USO1: variants seen among roughly 807,000 people sequenced by gnomAD.
USO1 encodes general vesicular transport factor p115.
In USO1, 57 loss-of-function variants were observed where a neutral mutation model predicts 124.5. The observed-to-expected ratio is 0.46, with a 90% CI of 0.37 to 0.57. USO1 has a LOEUF of 0.57. Ranked by LOEUF, USO1 falls within the 20% of genes least tolerant of loss-of-function variation. The pLI is 0.00. For missense variants in USO1, 900 were observed against 1,040.6 expected (o/e 0.86, Z 1.86); for synonymous variants, 369 against 362.8 (o/e 1.02, Z -0.19).
chr4:75,814,055 A>G lies in USO1; in HGVS notation c.*760A>G, dbSNP rs984201381. 5.3e-5 allele frequency: 8 copies of G among 152,234 alleles called. No individual in the cohort carries two copies. Among genetic ancestry groups the G allele is most frequent in the African/African-American group, 1.4e-4 (6 of 41,464 alleles). The allele number at this position is 152,234 out of a possible 1,614,324, so 9.4% of individuals were successfully genotyped here. A position where few individuals can be genotyped will look rare whatever the true frequency, so the allele number is the denominator to read the frequency against. On this transcript the variant is annotated 3_prime_UTR_variant, in exon 24 of 24. Coordinates refer to ENST00000514213, the MANE Select transcript of USO1 (RefSeq NM_003715.4). Reference sequence around the variant, plus strand: ...AGTAGTATTGTTTATCATAAAACATATTATGTTCCTAGTTTTAAAAAGACC... The same window carrying G: ...AGTAGTATTGTTTATCATAAAACATGTTATGTTCCTAGTTTTAAAAAGACC...
rs1722955722 is a variant in USO1 at position 75,805,125 on chromosome 4, ATGTC to A, written c.2126-9_2126-6del. 2 of 1,548,170 alleles carry A rather than the reference ATGTC, an allele frequency of 1.3e-6. No individual in the cohort carries two copies. The highest frequency in any genetic ancestry group is 1.7e-6 in the Non-Finnish European group (2 of 1,151,346). The stretch of plus-strand genomic sequence containing the variant: ...GTTTCCCGTTGGCTTTTAAAATGTT[ATGTC>A]TGTCTAACAGGAAAAGACAATCAGC... On this transcript the variant is annotated splice_polypyrimidine_tract_variant and intron_variant, in intron 18 of 23. Coordinates refer to ENST00000514213, the MANE Select transcript of USO1 (RefSeq NM_003715.4).
intron 17 of USO1, among the ~76,000 whole-genome samples, chr4:75,802,943 G>A (rs1722893323): frequency 6.7e-6 from 1 of 149,918 alleles, no homozygotes; most frequent in Admixed American, 6.6e-5. Context: ...AATTAGCTGG[G>A]GATGGTGGCA....
Position 75,811,353 on chromosome 4 carries a change from G to A in USO1, c.2584-807G>A, listed in dbSNP as rs545000117. On this transcript the variant is annotated intron_variant, in intron 22 of 23. Coordinates refer to ENST00000514213, the MANE Select transcript of USO1 (RefSeq NM_003715.4). The stretch of plus-strand genomic sequence containing the variant: ...GTACTTTTAGTAGAGACGAGGATTC[G>A]CCATGTTGGCCAGGCTGGTCTCAAA... 1.6e-4 allele frequency among the ~76,000 whole-genome samples: 25 copies of A among 152,022 alleles called. 1 individual carries two copies. In the South Asian group the frequency reaches 2.5e-3, roughly 15 times the overall value.
intron 13 of USO1, among the ~76,000 whole-genome samples, chr4:75,798,991 T>C (rs1269468830): frequency 1.3e-5 from 2 of 152,194 alleles, no homozygotes; most frequent in African/African-American, 2.4e-5. Context: ...TAACTATACT[T>C]GGCAGCTGTT....
intron 22 of USO1, among the ~76,000 whole-genome samples, chr4:75,810,742 G>GT (rs1382129079): frequency 6.6e-6 from 1 of 151,722 alleles, no homozygotes. Context: ...GTTTTGTTTT[G>GT]TTTTTTTGAG....
Position 75,731,454 on chromosome 4 carries a change from A to C in USO1, c.66+6569A>C, listed in dbSNP as rs796266231. Among the ~76,000 whole-genome samples, 13 of 152,064 alleles carry C rather than the reference A, an allele frequency of 8.5e-5. 1 individual carries two copies. The highest frequency in any genetic ancestry group is 2.7e-4 in the African/African-American group (11 of 41,506). Reference sequence around the variant, plus strand: ...GCAGGTGCCTGTAATCCCAGCTACTAGGGAGGCTGAGGCAGGAGAATCACT... The same window carrying C: ...GCAGGTGCCTGTAATCCCAGCTACTCGGGAGGCTGAGGCAGGAGAATCACT... On this transcript the variant is annotated intron_variant, in intron 1 of 23. Transcript: ENST00000514213.
At chr4:75,732,957 T>A (rs1356637472) in intron 1 of USO1, among the ~76,000 whole-genome samples, 5 of 145,188 alleles carry the variant, frequency 3.4e-5, no homozygotes, top group Non-Finnish European at 6.0e-5. Context: ...GGTAAGGTTA[T>A]ATCATAAAAT....
At chr4:75,755,940 G>T (rs1339474903) in intron 3 of USO1, among the ~76,000 whole-genome samples, 1 of 152,138 alleles carries the variant, frequency 6.6e-6, no homozygotes, top group Non-Finnish European at 1.5e-5. Context: ...GGAAGCCGAG[G>T]TGAGCGAATC....
chr4:75,806,806 C>T (rs1212420161), intron 20 of USO1, among the ~76,000 whole-genome samples: 1 of 152,048 alleles, frequency 6.6e-6, no homozygotes, highest in Non-Finnish European at 1.5e-5. Context: ...GCATCTCACC[C>T]ATGTTATTTA....
At chr4:75,740,231 T>C (rs922954491) in intron 1 of USO1, among the ~76,000 whole-genome samples, 1 of 152,188 alleles carries the variant, frequency 6.6e-6, no homozygotes, top group Non-Finnish European at 1.5e-5. Context: ...TATTGATCAG[T>C]TGATGAAAAT....
chr4:75,765,619 A>G (rs1338913347), intron 4 of USO1, among the ~76,000 whole-genome samples: 1 of 143,478 alleles, frequency 7.0e-6, no homozygotes, highest in Non-Finnish European at 1.5e-5. Flanking sequence ...AGTTCTTGCT[A>G]TGTGCCTGGT....
chr4:75,725,261 T>C (rs550818000), intron 1 of USO1, among the ~76,000 whole-genome samples: 8 of 152,274 alleles, frequency 5.3e-5, no homozygotes, highest in Middle Eastern at 3.4e-3. Flanking sequence ...CTTTCGCTCG[T>C]CTGCACTGGC....
chr4:75,785,772 A>C (rs1381116617), intron 9 of USO1, among the ~76,000 whole-genome samples: 1 of 152,152 alleles, frequency 6.6e-6, no homozygotes, highest in Non-Finnish European at 1.5e-5. Flanking sequence ...TATTTCAAAA[A>C]ATATCAAGTG....
In USO1 at chr4:75,800,425, C is replaced by T; in HGVS notation, c.1638C>T (p.Gly546=). ...LVQGLCALLL[G]ISIYFNDNSL... is the part of the protein sequence containing the mutation. ...AAGGCTTATGTGCCCTTTTGTTGGG[C>T]ATTTCGATTTATTTCAATGATAACT... The change falls in exon 15 of 24, where the codon GGC becomes GGT. Residue 546 remains glycine, a synonymous_variant. Transcript: ENST00000514213. 4 of 1,594,516 alleles carry T rather than the reference C, an allele frequency of 2.5e-6. No individual in the cohort carries two copies. The highest frequency in any genetic ancestry group is 3.4e-6 in the Non-Finnish European group (4 of 1,170,090).
At position 75,804,283 on chromosome 4, in the gene USO1, C is replaced by G. The variant is rs752671173; in HGVS notation, c.2125+11C>G. 6.2e-6 allele frequency: 10 copies of G among 1,606,940 alleles called. No individual in the cohort carries two copies. The highest frequency in any genetic ancestry group is 2.2e-5 in the East Asian group (1 of 44,526). ...TTAAAATACAGCTAGGTAAGCATAGCTAAGCCATCACTATGATAGCACTCA... is the reference window on the plus strand; with the variant it reads ...TTAAAATACAGCTAGGTAAGCATAGGTAAGCCATCACTATGATAGCACTCA... On this transcript the variant is annotated intron_variant, in intron 18 of 23. Transcript: ENST00000514213.
intron 13 of USO1, chr4:75,795,305 G>A (rs973597877): frequency 1.2e-4 from 85 of 701,828 alleles, no homozygotes; most frequent in Middle Eastern, 2.3e-4. Context: ...GTAGTAATAT[G>A]TATGAATAAT....
chr4:75,754,317 A>C (rs1721375400), intron 3 of USO1, among the ~76,000 whole-genome samples: 1 of 149,368 alleles, frequency 6.7e-6, no homozygotes, highest in African/African-American at 2.5e-5. Context: ...TCCTGAACTC[A>C]GGTGATCCGC....
chr4:75,752,220 A>C (rs1045079556), intron 1 of USO1, among the ~76,000 whole-genome samples, 153 bp from the exon 2 acceptor site: 1 of 152,296 alleles, frequency 6.6e-6, no homozygotes, highest in East Asian at 1.9e-4. Flanking sequence ...TGAGATTATA[A>C]TACTACCTAA....
chr4:75,743,405 TC>T (rs1462422845), intron 1 of USO1, among the ~76,000 whole-genome samples: 1 of 152,204 alleles, frequency 6.6e-6, no homozygotes, highest in Non-Finnish European at 1.5e-5. Flanking sequence ...TACTCACACT[TC>T]CATCTGTATC....
Sources: gnomAD v4.1 joint callset for allele counts (sites outside exome capture counted in the v4.1 genomes callset) on GRCh38, gnomAD v4.1.1 for gene constraint, MANE v1.5 for transcripts, NCBI Gene and HGNC (gene_info 2026-07-23, HGNC 2026-07-21) for gene names.